Variants in GPHN observed in about 807,000 individuals in gnomAD.
GPHN encodes the protein gephyrin.
Under a neutral mutation model 95.5 loss-of-function variants are expected in GPHN, and 17 were observed. The observed-to-expected ratio is 0.18, with a 90% CI of 0.12 to 0.27. GPHN has a LOEUF of 0.27. Ranked by LOEUF, GPHN falls within the 10% of genes least tolerant of loss-of-function variation. GPHN has a pLI of 1.00. For missense variants in GPHN, 660 were observed against 978.1 expected, an observed-to-expected ratio of 0.67 and a Z score of 4.34; for synonymous variants, 320 against 322.5, an observed-to-expected ratio of 0.99 and a Z score of 0.08.
Position 66,965,115 on chromosome 14 carries a change from A to G in GPHN, c.829-76A>G, listed in dbSNP as rs1168380746. On this transcript the variant is annotated intron_variant, in intron 8 of 22. Transcript: ENST00000478722. ...TCAGAGCTGAGCAGCAAAGAATGCT[A>G]AAACAAAGGGGGTCTTGATTCTACA... 6 of 1,287,024 alleles carry G rather than the reference A, an allele frequency of 4.7e-6. No homozygotes were observed. In the Admixed American group the frequency reaches 8.4e-5, roughly 18 times the overall value. 79.7% of individuals were successfully genotyped at this position (1,287,024 alleles called of 1,614,324 possible).
the GPHN span, among the ~76,000 whole-genome samples, chr14:67,351,911 CAA>C: frequency 1.6e-5 from 2 of 128,076 alleles, no homozygotes; most frequent in Non-Finnish European, 1.6e-5. Context: ...GAACCTCTAC[CAA>C]AAAAAAAAAG....
chr14:66,835,341 T>C (rs76252575), intron 4 of GPHN, among the ~76,000 whole-genome samples: 2,665 of 151,922 alleles, frequency 0.018, 33 homozygotes, highest in Non-Finnish European at 0.026. Flanking sequence ...CTTTTAATTG[T>C]GATGTGAGGG....
chr14:67,405,514 A>C, the GPHN span, among the ~76,000 whole-genome samples: 1 of 152,192 alleles, frequency 6.6e-6, no homozygotes, highest in Non-Finnish European at 1.5e-5. Flanking sequence ...TCCAGGACAG[A>C]TGACTGGCAT....
At chr14:66,620,610 A>G (rs529880029) in intron 1 of GPHN, among the ~76,000 whole-genome samples, 1 of 152,264 alleles carries the variant, frequency 6.6e-6, no homozygotes, top group South Asian at 2.1e-4. Context: ...GAATTGTAGG[A>G]GTTACAATTC....
the GPHN span, among the ~76,000 whole-genome samples, chr14:67,610,257 T>A: frequency 2.0e-5 from 3 of 152,228 alleles, no homozygotes; most frequent in Non-Finnish European, 4.4e-5. Flanking sequence ...TCTTGCAAGC[T>A]AAATTGGTTG....
intron 1 of GPHN, among the ~76,000 whole-genome samples, chr14:66,633,174 G>C (rs2063913432): frequency 6.6e-6 from 1 of 151,964 alleles, no homozygotes; most frequent in Non-Finnish European, 1.5e-5. Context: ...TTAACTTTCT[G>C]ATTAGGCCAT....
chr14:67,642,113 A>G, the GPHN span: 95 of 1,425,204 alleles, frequency 6.7e-5, no homozygotes, highest in Non-Finnish European at 8.6e-5. Context: ...ACGTATTATC[A>G]TTGTGGCCCA....
the GPHN span, chr14:67,695,865 G>A: frequency 1.6e-6 from 1 of 624,632 alleles, no homozygotes; most frequent in Non-Finnish European, 2.8e-6. Context: ...GGCTACGTGG[G>A]AGCGCTGCCG....
At chr14:66,815,943 CA>C (rs375588561) in intron 3 of GPHN, among the ~76,000 whole-genome samples, 5 of 150,526 alleles carry the variant, frequency 3.3e-5, no homozygotes, top group East Asian at 1.9e-4. Context: ...TACACTGGTT[CA>C]AAAAAAAGGG....
intron 1 of GPHN, among the ~76,000 whole-genome samples, chr14:66,611,232 G>T (rs1312264351): frequency 1.3e-5 from 2 of 152,068 alleles, no homozygotes; most frequent in African/African-American, 4.8e-5. Context: ...TTCGTTAGAA[G>T]TTACATGAGG....
At chr14:66,552,427 T>C (rs1343574431) in intron 1 of GPHN, among the ~76,000 whole-genome samples, 1 of 152,220 alleles carries the variant, frequency 6.6e-6, no homozygotes, top group East Asian at 1.9e-4. Flanking sequence ...AGTGTTTTAT[T>C]TTGCTTTAAA....
the GPHN span, chr14:67,542,075 C>A: frequency 7.7e-7 from 1 of 1,303,254 alleles, no homozygotes; most frequent in Non-Finnish European, 1.0e-6. Flanking sequence ...GGGAGAGTTG[C>A]GGAAAGTCAA....
At chr14:67,292,549 C>A in the GPHN span, 1 of 1,613,180 alleles carries the variant, frequency 6.2e-7, no homozygotes, top group Non-Finnish European at 8.5e-7. Flanking sequence ...ACATATCCAA[C>A]ATACTTTGGT....
chr14:67,496,801 G>T, the GPHN span, among the ~76,000 whole-genome samples: 1 of 131,048 alleles, frequency 7.6e-6, no homozygotes, highest in Non-Finnish European at 1.6e-5. Context: ...TTTCTTTCTT[G>T]CTTGCTTGCT....
At chr14:66,891,287 A>G (rs1263507865) in intron 5 of GPHN, among the ~76,000 whole-genome samples, 1 of 152,200 alleles carries the variant, frequency 6.6e-6, no homozygotes, top group Admixed American at 6.5e-5. Context: ...AATGACAATA[A>G]ACTATCCAAA....
chr14:66,561,306 A>C lies in GPHN; in HGVS notation c.64+52715A>C, dbSNP rs542676693. On this transcript the variant is annotated intron_variant, in intron 1 of 22. Transcript: ENST00000478722. The stretch of plus-strand genomic sequence containing the variant: ...TTTTTCTATTGATTGGAATAGTTTC[A>C]GAAGGAATGGTACCAGTTCCTCCTT... 3.3e-5 allele frequency among the ~76,000 whole-genome samples: 5 copies of C among 152,304 alleles called. No individual in the cohort carries two copies. The South Asian group carries it at 1.0e-3, about 32-fold the overall frequency.
chr14:67,060,054 A>C (rs919370774), intron 11 of GPHN, among the ~76,000 whole-genome samples: 4 of 152,132 alleles, frequency 2.6e-5, no homozygotes, highest in African/African-American at 4.8e-5. Flanking sequence ...AGTTATAAAA[A>C]AATTAATAAT....
the GPHN span, chr14:67,454,601 C>A: frequency 6.6e-6 from 1 of 152,120 alleles, no homozygotes; most frequent in Non-Finnish European, 1.5e-5. Context: ...CTCTCATGTC[C>A]CTGCATTAGG....
the GPHN span, among the ~76,000 whole-genome samples, chr14:67,239,755 C>T: frequency 6.6e-6 from 1 of 152,112 alleles, no homozygotes; most frequent in Admixed American, 6.5e-5. Context: ...ACTGGGGAGG[C>T]TGAGGGAGGA....
Sources: gnomAD v4.1 joint callset for allele counts (sites outside exome capture counted in the v4.1 genomes callset) on GRCh38, gnomAD v4.1.1 for gene constraint, MANE v1.5 for transcripts, NCBI Gene and HGNC (gene_info 2026-07-23, HGNC 2026-07-21) for gene names.